The following LRRN1 variants were observed in gnomAD, a reference collection of about 807,000 sequenced individuals.
LRRN1 encodes leucine rich repeat neuronal 1, also known as leucine-rich repeat neuronal protein 1.
In LRRN1, 14 loss-of-function variants were observed where a neutral mutation model predicts 45.8. The observed-to-expected ratio is 0.31, with a 90% CI of 0.20 to 0.48. The LOEUF (loss-of-function observed/expected upper bound fraction) is 0.48. Among genes scored for constraint, LRRN1 ranks in the 20% least tolerant of loss-of-function variants. The pLI is 0.99. For synonymous variants in LRRN1, 359 were observed against 330.1 expected (o/e 1.09, Z -0.95); for missense variants, 789 against 874.2 (o/e 0.90, Z 1.23).
rs1049017116 is a variant in LRRN1, at chr3:3,848,827, T to G, written c.*2035T>G. On this transcript the variant is annotated 3_prime_UTR_variant, in exon 2 of 2. Coordinates refer to ENST00000319331, the MANE Select transcript of LRRN1 (RefSeq NM_020873.7). ...CTGTTAGGTTCCTGTGCAGGGCCCCTCTTTTGCAGTTCTGAATAACCTCTA... is the reference window on the plus strand; with the variant it reads ...CTGTTAGGTTCCTGTGCAGGGCCCCGCTTTTGCAGTTCTGAATAACCTCTA... Among the ~76,000 whole-genome samples, 3 of 152,186 alleles carry G rather than the reference T, an allele frequency of 2.0e-5. No individual in the cohort carries two copies. The highest frequency in any genetic ancestry group is 7.2e-5 in the African/African-American group (3 of 41,448).
chr3:3,838,815 T>C (rs2120606), intron 1 of LRRN1, among the ~76,000 whole-genome samples: 25,570 of 152,160 alleles, frequency 0.17, 2,460 homozygotes, highest in African/African-American at 0.27. Flanking sequence ...GGGTCATTTG[T>C]ATGTCTTTGG....
Position 3,829,943 on chromosome 3 carries a change from T to C in LRRN1, c.-278-14421T>C, listed in dbSNP as rs1693329605. On this transcript the variant is annotated intron_variant, in intron 1 of 1. Transcript: ENST00000319331. ...GCTGATCATCCCGAGGAATGGTGCT[T>C]TATCGAGGGCTCAGTGTTGGTCTCT... Among the ~76,000 whole-genome samples the C allele has an allele frequency of 4.6e-5, 7 of 152,202 alleles. No homozygotes were observed. The South Asian group carries it at 1.5e-3, about 32-fold the overall frequency.
chr3:3,849,425 T>C lies in LRRN1; in HGVS notation c.*2633T>C, dbSNP rs1202207508. 6.6e-6 allele frequency among the ~76,000 whole-genome samples: 1 copy of C among 152,242 alleles called. No homozygotes were observed. Among genetic ancestry groups the C allele is most frequent in the Non-Finnish European group, 1.5e-5 (1 of 68,040 alleles). On this transcript the variant is annotated 3_prime_UTR_variant, in exon 2 of 2. Transcript: ENST00000319331. ...TTTCAGCTGATAGAAAACAAAATGA[T>C]AGAGTACTTTTTTCCTTGGCCAAGT...
chr3:3,846,747 C>T lies in LRRN1; in HGVS notation c.2106C>T (p.Thr702=), dbSNP rs755941500. Residue 702 remains threonine (T), a synonymous_variant, in exon 2 of 2, where the codon ACC becomes ACT. Coordinates refer to ENST00000319331, the MANE Select transcript of LRRN1 (RefSeq NM_020873.7). The surrounding 1 kb of genome is among the most constrained non-coding windows in gnomAD (Gnocchi z 5.7). The part of the protein sequence containing the change: ...SEKDKDGSAD[T]KPTQVDTSRS... ...AAGACAAAGATGGTTCTGCAGACAC[C>T]AAGCCAACCCAGGTCGACACATCCA... The T allele has an allele frequency of 1.2e-6, 2 of 1,612,904 alleles. No homozygotes were observed. Among genetic ancestry groups the T allele is most frequent in the Non-Finnish European group, 8.5e-7 (1 of 1,179,734 alleles).
Position 3,845,223 on chromosome 3 carries a change from A to T in LRRN1, c.582A>T (p.Glu194Asp). ...GGTTTGATTCTACACCCAACCTGGAAATTCTCATGATCGGAGAAAACCCTG... is the reference window on the plus strand; with the variant it reads ...GGTTTGATTCTACACCCAACCTGGATATTCTCATGATCGGAGAAAACCCTG... ...SRWFDSTPNLEILMIGENPVI... is the reference protein window; with the variant it reads ...SRWFDSTPNLDILMIGENPVI... The change falls in exon 2 of 2, where the codon GAA becomes GAT. Residue 194 changes from glutamate (E) to aspartate (D), a missense_variant. Transcript: ENST00000319331. The surrounding 1 kb of genome is among the most constrained non-coding windows in gnomAD (Gnocchi z 6.5). 1 of 1,614,188 alleles carries T rather than the reference A, an allele frequency of 6.2e-7. No individual in the cohort carries two copies. The highest frequency in any genetic ancestry group is 8.5e-7 in the Non-Finnish European group (1 of 1,180,014).
chr3:3,807,117 C>T (rs889017780), intron 1 of LRRN1, among the ~76,000 whole-genome samples: 1 of 152,184 alleles, frequency 6.6e-6, no homozygotes, highest in African/African-American at 2.4e-5. Context: ...TAAAAAGTAT[C>T]ATGCAGAGAA....
intron 1 of LRRN1, among the ~76,000 whole-genome samples, chr3:3,803,603 CAT>C (rs1418503785): frequency 3.9e-5 from 6 of 152,108 alleles, no homozygotes; most frequent in African/African-American, 4.8e-5. Flanking sequence ...CATTTAGAAT[CAT>C]ATGTTTCTGG....
intron 1 of LRRN1, among the ~76,000 whole-genome samples, chr3:3,828,843 T>C (rs1451757575): frequency 6.6e-6 from 1 of 152,222 alleles, no homozygotes. Flanking sequence ...GAAATACTCA[T>C]GACAGTTAAC....
chr3:3,821,705 C>T (rs1410976582), intron 1 of LRRN1, among the ~76,000 whole-genome samples: 2 of 152,162 alleles, frequency 1.3e-5, no homozygotes, highest in East Asian at 3.8e-4. Flanking sequence ...CAATCACAAA[C>T]AGTAGGATGG....
At chr3:3,837,366 CAAGAGCTTTAAGGACCACAACCAA>C (rs1693544660) in intron 1 of LRRN1, among the ~76,000 whole-genome samples, 1 of 152,080 alleles carries the variant, frequency 6.6e-6, no homozygotes, top group African/African-American at 2.4e-5. Flanking sequence ...CACCAAGTGT[CAAGAGCTTTAAGGACCACAACCAA>C]CCCCACCTTC....
At chr3:3,832,584 T>G (rs1395882711) in intron 1 of LRRN1, among the ~76,000 whole-genome samples, 2 of 152,164 alleles carry the variant, frequency 1.3e-5, no homozygotes, top group East Asian at 3.9e-4. Flanking sequence ...CTTTCCCCAG[T>G]GCAGTTACCC....
At chr3:3,815,591 C>T (rs1692971526) in intron 1 of LRRN1, among the ~76,000 whole-genome samples, 1 of 152,152 alleles carries the variant, frequency 6.6e-6, no homozygotes, top group African/African-American at 2.4e-5. Flanking sequence ...TAACTACTTG[C>T]TCACATTTTG....
intron 1 of LRRN1, among the ~76,000 whole-genome samples, chr3:3,823,082 T>G (rs1575288247): frequency 6.6e-6 from 1 of 152,288 alleles, no homozygotes; most frequent in East Asian, 1.9e-4. Flanking sequence ...CCCAGGGTCT[T>G]CACTGTGATT....
intron 1 of LRRN1, among the ~76,000 whole-genome samples, chr3:3,843,109 C>G (rs1289200220): frequency 6.6e-6 from 1 of 152,202 alleles, no homozygotes; most frequent in East Asian, 1.9e-4. Context: ...AGCTACTACA[C>G]TAAGAACTTT....
chr3:3,828,315 A>G (rs1396239220), intron 1 of LRRN1, among the ~76,000 whole-genome samples: 1 of 152,084 alleles, frequency 6.6e-6, no homozygotes, highest in East Asian at 1.9e-4. Context: ...GTTCCAGGGC[A>G]GGAAGCATCC....
chr3:3,832,708 A>G (rs1372276732), intron 1 of LRRN1, among the ~76,000 whole-genome samples: 1 of 152,116 alleles, frequency 6.6e-6, no homozygotes, highest in Non-Finnish European at 1.5e-5. Flanking sequence ...CCTTCATTCA[A>G]GTGGTTCTGG....
At chr3:3,838,540 G>A (rs560191119) in intron 1 of LRRN1, among the ~76,000 whole-genome samples, 1 of 152,154 alleles carries the variant, frequency 6.6e-6, no homozygotes, top group Non-Finnish European at 1.5e-5. Flanking sequence ...TTTTGGATAT[G>A]TACCCTGAAC....
At chr3:3,823,722 C>G (rs1197624547) in intron 1 of LRRN1, among the ~76,000 whole-genome samples, 1 of 152,122 alleles carries the variant, frequency 6.6e-6, no homozygotes, top group Non-Finnish European at 1.5e-5. Context: ...ATAGGTAGTA[C>G]CAGGATATGG....
chr3:3,820,773 T>C (rs1478627610), intron 1 of LRRN1, among the ~76,000 whole-genome samples: 2 of 152,216 alleles, frequency 1.3e-5, no homozygotes, highest in Admixed American at 1.3e-4. Flanking sequence ...ACTTGCAGGC[T>C]AGTCACTGTG....
Sources: gnomAD v4.1 joint callset for allele counts (sites outside exome capture counted in the v4.1 genomes callset) on GRCh38, gnomAD v4.1.1 for gene constraint, Gnocchi (gnomAD v3.1) non-coding constraint, MANE v1.5 for transcripts, NCBI Gene and HGNC (gene_info 2026-07-23, HGNC 2026-07-21) for gene names.